Variants in ANLN observed in about 807,000 individuals in gnomAD.
ANLN encodes anillin, actin binding protein.
ANLN carries 59 observed loss-of-function variants against 135.1 expected under a neutral mutation model. That is an observed-to-expected ratio of 0.44 (90% CI 0.35 to 0.54). The LOEUF is 0.54. ANLN is among the 20% of genes least tolerant of loss of function. The pLI is 0.00. For synonymous variants in ANLN, 406 were observed against 456.4 expected (o/e 0.89, Z 1.41); for missense variants, 1,182 against 1,340.0 (o/e 0.88, Z 1.84).
chr7:36,422,139 G>A, intron 13 of ANLN, 147 bp downstream of exon 13: 1 of 1,010,554 alleles, frequency 9.9e-7, no homozygotes, highest in Non-Finnish European at 1.4e-6. Context: ...TTTTTATAAG[G>A]TTTAAGAACT....
intron 1 of ANLN, among the ~76,000 whole-genome samples, chr7:36,396,030 C>T (rs530684858): frequency 1.6e-4 from 25 of 152,062 alleles, no homozygotes; most frequent in Non-Finnish European, 2.4e-4. Flanking sequence ...AATTTGTGGC[C>T]GTTAAAAATC....
Position 36,419,341 on chromosome 7 carries a change from A to G in ANLN, c.1731A>G (p.Glu577=). Residue 577 remains glutamate (E), a synonymous_variant, in exon 10 of 24, where the codon GAA becomes GAG. Transcript: ENST00000265748. ...TCAGTGATGTCCTAGAGGAAGGTGA[A>G]CTAGATATGGAGAAGAGCCAAGAGG... ...DLFSDVLEEG[E]LDMEKSQEEM... is the part of the protein sequence containing the mutation. 6.2e-7 allele frequency: 1 copy of G among 1,614,148 alleles called. No individual in the cohort carries two copies. Among genetic ancestry groups the G allele is most frequent in the South Asian group, 1.1e-5 (1 of 91,074 alleles).
At chr7:36,391,684 C>T (rs1015488001) in intron 1 of ANLN, among the ~76,000 whole-genome samples, 2 of 152,162 alleles carry the variant, frequency 1.3e-5, no homozygotes, top group African/African-American at 4.8e-5. Flanking sequence ...TAAAATGACT[C>T]TCTCAACCAG....
At chr7:36,428,776 A>ATTTTTT (rs35428425) in intron 20 of ANLN, among the ~76,000 whole-genome samples, 11 of 114,630 alleles carry the variant, frequency 9.6e-5, no homozygotes, top group Admixed American at 9.7e-5. Context: ...ATAAAAGCAG[A>ATTTTTT]TTTTTTTTTT....
intron 9 of ANLN, among the ~76,000 whole-genome samples, chr7:36,419,025 G>A (rs1787763940): frequency 6.6e-6 from 1 of 152,066 alleles, no homozygotes; most frequent in Non-Finnish European, 1.5e-5. Context: ...CCAAAGTGCT[G>A]GGATTACCAA....
chr7:36,452,537 A>G lies in ANLN; in HGVS notation c.3312A>G (p.Gln1104=). The G allele has an allele frequency of 6.2e-7, 1 of 1,614,064 alleles. No homozygotes were observed. Among genetic ancestry groups the G allele is most frequent in the Non-Finnish European group, 8.5e-7 (1 of 1,179,954 alleles). The change falls in exon 24 of 24, where the codon CAA becomes CAG. Residue 1104 remains glutamine, a synonymous_variant. Transcript: ENST00000265748. ...ATCTCTGGATGCAAAAACTCAATCA[A>G]GTTCTTGTTGATATTCGCCTCTGGC... ...ERDLWMQKLN[Q]VLVDIRLWQP... is the part of the protein sequence containing the mutation.
At position 36,396,367 on chromosome 7, in the gene ANLN, T is replaced by C. The variant is rs2116507986; in HGVS notation, c.120T>C (p.Ala40=). ...GGTCTATGACTCATGCTAAGCGAGC[T>C]AGACAGCCACTTTCAGAAGCAAGTA... The part of the protein sequence containing the change: ...APRSMTHAKR[A]RQPLSEASNQ... Residue 40 remains alanine, a synonymous_variant, in exon 2 of 24, where the codon GCT becomes GCC. Coordinates refer to ENST00000265748, the MANE Select transcript of ANLN (RefSeq NM_018685.5). 1 of 1,603,566 alleles carries C rather than the reference T, an allele frequency of 6.2e-7. No individual in the cohort carries two copies. Among genetic ancestry groups the C allele is most frequent in the East Asian group, 2.2e-5 (1 of 44,672 alleles).
intron 1 of ANLN, among the ~76,000 whole-genome samples, chr7:36,394,349 G>A (rs1786603895): frequency 6.6e-6 from 1 of 152,120 alleles, no homozygotes; most frequent in South Asian, 2.1e-4. Context: ...CGGTTTTTAA[G>A]GTTTCTCTGG....
rs1446507746 is a variant in ANLN, at chr7:36,422,829, A to C, written c.2476+20A>C. 3.2e-6 allele frequency: 5 copies of C among 1,575,376 alleles called. No homozygotes were observed. In the African/African-American group the frequency reaches 6.8e-5, roughly 22 times the overall value. On this transcript the variant is annotated intron_variant, in intron 14 of 23. Transcript: ENST00000265748. ...AACCAGGTATGGTGGTGATTTTTCT[A>C]GATTGTGTGTTAAATTATGAACCTC...
At chr7:36,439,513 C>T (rs929054593) in intron 21 of ANLN, among the ~76,000 whole-genome samples, 2 of 152,130 alleles carry the variant, frequency 1.3e-5, no homozygotes, top group Non-Finnish European at 2.9e-5. Flanking sequence ...GAGAGAAATA[C>T]AAACGAACAG....
In ANLN at chr7:36,399,246, A is replaced by G. The variant is rs1434477220; in HGVS notation, c.340A>G (p.Ser114Gly). Residue 114 changes from serine to glycine, a missense_variant, in exon 3 of 24, where the codon AGT becomes GGT. By Grantham distance (56) the Ser-to-Gly change is moderately conservative. Transcript: ENST00000265748. Reference sequence around the variant, plus strand: ...GCAGCCACAAGCAGCAGATACCATCAGTGATTCTGTTGCTGTCCCGGCATC... The same window carrying G: ...GCAGCCACAAGCAGCAGATACCATCGGTGATTCTGTTGCTGTCCCGGCATC... Reference protein sequence around the residue: ...QVQPQAADTISDSVAVPASLL... With the variant: ...QVQPQAADTIGDSVAVPASLL... The G allele has an allele frequency of 1.2e-6, 2 of 1,614,188 alleles. No individual in the cohort carries two copies. Among genetic ancestry groups the G allele is most frequent in the Admixed American group, 1.7e-5 (1 of 60,022 alleles).
chr7:36,437,853 C>T (rs1165816487), intron 20 of ANLN, among the ~76,000 whole-genome samples: 1 of 152,124 alleles, frequency 6.6e-6, no homozygotes, highest in East Asian at 1.9e-4. Context: ...CACACTGCAA[C>T]CTCTGCCTCT....
At chr7:36,414,058 G>A (rs994240151) in intron 7 of ANLN, among the ~76,000 whole-genome samples, 3 of 152,128 alleles carry the variant, frequency 2.0e-5, no homozygotes, top group Non-Finnish European at 4.4e-5. Flanking sequence ...GGCATGGTTG[G>A]TATTGTTACG....
chr7:36,413,564 T>G (rs1173825636), intron 7 of ANLN, among the ~76,000 whole-genome samples: 1 of 152,184 alleles, frequency 6.6e-6, no homozygotes, highest in Non-Finnish European at 1.5e-5. Flanking sequence ...CCTGTGAAAT[T>G]CCTCCCAGAA....
chr7:36,450,106 TC>T (rs1360923520), intron 23 of ANLN, among the ~76,000 whole-genome samples: 1 of 152,202 alleles, frequency 6.6e-6, no homozygotes, highest in Admixed American at 6.5e-5. Context: ...TAGATAATAA[TC>T]TTTGGGTTAA....
At chr7:36,435,509 T>G (rs1396046636) in intron 20 of ANLN, among the ~76,000 whole-genome samples, 2 of 152,078 alleles carry the variant, frequency 1.3e-5, no homozygotes, top group Non-Finnish European at 2.9e-5. Flanking sequence ...GGGCTTGAAC[T>G]TCATTTAAGT....
intron 7 of ANLN, among the ~76,000 whole-genome samples, chr7:36,411,505 G>A (rs1490146715): frequency 6.6e-6 from 1 of 152,180 alleles, no homozygotes; most frequent in Non-Finnish European, 1.5e-5. Flanking sequence ...AATGATGACT[G>A]TATACCTTTC....
At chr7:36,390,092 C>A in intron 1 of ANLN, 48 bp downstream of exon 1, 1 of 1,612,286 alleles carries the variant, frequency 6.2e-7, no homozygotes, top group Non-Finnish European at 8.5e-7. Context: ...CGCTCTAGGC[C>A]CCCACCCACC....
intron 22 of ANLN, 80 bp downstream of exon 22, chr7:36,443,942 C>T (rs1449866360): frequency 2.1e-6 from 2 of 935,746 alleles, no homozygotes; most frequent in Non-Finnish European, 3.2e-6. Flanking sequence ...CCCTCTGGCC[C>T]CCATCACTCA....
Sources: allele counts gnomAD v4.1 joint callset (sites outside exome capture counted in the v4.1 genomes callset), GRCh38; gene constraint gnomAD v4.1.1; transcripts MANE v1.5; gene names NCBI Gene and HGNC (gene_info 2026-07-23, HGNC 2026-07-21).